Variants in POSTN observed in about 807,000 individuals in gnomAD.
POSTN encodes periostin.
Under a neutral mutation model 104.5 loss-of-function variants are expected in POSTN, and 71 were observed. The observed-to-expected ratio is 0.68, with a 90% CI of 0.56 to 0.83. POSTN has a LOEUF of 0.83. Among genes scored for constraint, POSTN ranks in the 40% least tolerant of loss-of-function variants. The pLI, the probability that POSTN is intolerant of heterozygous loss-of-function variation, is 0.00. For missense variants in POSTN, 949 were observed against 1,006.8 expected (o/e 0.94, Z 0.78); for synonymous variants, 355 against 340.7 (o/e 1.04, Z -0.46).
At chr13:37,581,643 G>C (rs1407961788) in intron 10 of POSTN, among the ~76,000 whole-genome samples, 1 of 151,992 alleles carries the variant, frequency 6.6e-6, no homozygotes, top group Non-Finnish European at 1.5e-5. Flanking sequence ...GGGTCCCCTG[G>C]AGCCAAGGAG....
Position 37,587,942 on chromosome 13 carries a change from C to G in POSTN, c.486G>C (p.Leu162=), listed in dbSNP as rs768761621. ...TAATCATGTGACTATGTAAAGCATT[C>G]AGTAATTCAACATTCACGTTGCTCT... is the stretch of plus-strand genomic sequence containing the variant. The part of the protein sequence containing the change: ...GLESNVNVEL[L]NALHSHMINK... The change falls in exon 5 of 23, where the codon CTG becomes CTC. Residue 162 remains leucine, a synonymous_variant. Transcript: ENST00000379747. 2 of 1,604,166 alleles carry G rather than the reference C, an allele frequency of 1.2e-6. No individual in the cohort carries two copies. Among genetic ancestry groups the G allele is most frequent in the Non-Finnish European group, 1.7e-6 (2 of 1,172,200 alleles).
chr13:37,577,810 T>C lies in POSTN; in HGVS notation c.1963-12A>G. 6.2e-7 allele frequency: 1 copy of C among 1,613,426 alleles called. No individual in the cohort carries two copies. Among genetic ancestry groups the C allele is most frequent in the Non-Finnish European group, 8.5e-7 (1 of 1,179,608 alleles). On this transcript the variant is annotated splice_polypyrimidine_tract_variant and intron_variant, in intron 15 of 22. Coordinates refer to ENST00000379747, the MANE Select transcript of POSTN (RefSeq NM_006475.3). ...CTACCACGAACAAACTGAAAATAAA[T>C]GTTTATATTTAGTAACATGAAAGGT...
Position 37,563,087 on chromosome 13 carries a change from C to T in POSTN, c.*246G>A, listed in dbSNP as rs375075798. Reference sequence around the variant, plus strand: ...CAAAGTTAGCCAGAACTTTTAATGTCAAGATGAAAAAGGGTGTAAGGTGTT... The same window carrying T: ...CAAAGTTAGCCAGAACTTTTAATGTTAAGATGAAAAAGGGTGTAAGGTGTT... On this transcript the variant is annotated 3_prime_UTR_variant, in exon 23 of 23. Coordinates refer to ENST00000379747, the MANE Select transcript of POSTN (RefSeq NM_006475.3). The T allele has an allele frequency of 1.6e-4, 47 of 299,248 alleles. No individual in the cohort carries two copies. The South Asian group carries it at 5.2e-3, about 33-fold the overall frequency. 18.5% of individuals were successfully genotyped at this position (299,248 alleles called of 1,614,324 possible).
rs145905060 is a variant in POSTN at position 37,598,683 on chromosome 13, A to G, written c.44T>C (p.Ile15Thr). The part of the protein sequence containing the change: ...LPMFSLLLLL[I>T]VNPINANNHY... ...ATTGTTGGCGTTTATAGGGTTAACA[A>G]TAAGCAGCAATAGTAGAGAAAACAT... The change falls in exon 1 of 23, where the codon ATT (isoleucine) becomes ACT (threonine). Residue 15 changes from isoleucine (I) to threonine (T), a missense_variant. Coordinates refer to ENST00000379747, the MANE Select transcript of POSTN (RefSeq NM_006475.3). 6.3e-4 allele frequency: 1,009 copies of G among 1,613,380 alleles called. 1 individual carries two copies. The highest frequency in any genetic ancestry group is 7.8e-4 in the Non-Finnish European group (923 of 1,179,504).
At chr13:37,577,421 C>T (rs1376038216) in intron 16 of POSTN, among the ~76,000 whole-genome samples, 1 of 152,182 alleles carries the variant, frequency 6.6e-6, no homozygotes, top group Non-Finnish European at 1.5e-5. Context: ...TGTGTCCACA[C>T]ATCTGAATTT....
chr13:37,580,008 T>A lies in POSTN; in HGVS notation c.1530-17A>T. The A allele has an allele frequency of 6.2e-7, 1 of 1,608,280 alleles. No homozygotes were observed. The highest frequency in any genetic ancestry group is 8.5e-7 in the Non-Finnish European group (1 of 1,176,314). On this transcript the variant is annotated splice_polypyrimidine_tract_variant and intron_variant, in intron 11 of 22. Coordinates refer to ENST00000379747, the MANE Select transcript of POSTN (RefSeq NM_006475.3). ...AGGAAGGTGCTAAGTGGGAAGAATG[T>A]ATATGTATTTTGTCAGATTTAGATT...
At chr13:37,577,546 T>A (rs566188909) in intron 16 of POSTN, among the ~76,000 whole-genome samples, 7 of 152,330 alleles carry the variant, frequency 4.6e-5, no homozygotes, top group African/African-American at 1.7e-4. Flanking sequence ...GTCATATCAT[T>A]TCTGTTTTTC....
chr13:37,567,093 G>A (rs1387733483), intron 21 of POSTN, among the ~76,000 whole-genome samples: 2 of 146,636 alleles, frequency 1.4e-5, no homozygotes, highest in African/African-American at 2.6e-5. Flanking sequence ...AACATTAGCC[G>A]GGCGTAGTGG....
chr13:37,587,901 G>T lies in POSTN; in HGVS notation c.527C>A (p.Thr176Asn). 2 of 1,600,154 alleles carry T rather than the reference G, an allele frequency of 1.2e-6. No homozygotes were observed. The highest frequency in any genetic ancestry group is 1.7e-6 in the Non-Finnish European group (2 of 1,168,154). The stretch of plus-strand genomic sequence containing the variant: ...AATCATGCCATTTTTTAAGTCCTTG[G>T]TCAACATTCTCTTATTAATCATGTG... Reference protein sequence around the residue: ...HSHMINKRMLTKDLKNGMIIP... With the variant: ...HSHMINKRMLNKDLKNGMIIP... The change falls in exon 5 of 23, where the codon ACC becomes AAC. Residue 176 changes from threonine (T) to asparagine (N), a missense_variant. Physicochemically the swap from Thr to Asn is moderately conservative, Grantham distance 65. Transcript: ENST00000379747.
chr13:37,591,260 A>G (rs1950922816), intron 3 of POSTN, among the ~76,000 whole-genome samples: 1 of 152,180 alleles, frequency 6.6e-6, no homozygotes, highest in African/African-American at 2.4e-5. Context: ...ATTGAGAAAA[A>G]CAAATCCTAG....
chr13:37,577,832 AGG>A (rs1353387709), intron 15 of POSTN, 34 bp from the exon 16 acceptor site: 9 of 1,612,132 alleles, frequency 5.6e-6, no homozygotes, highest in Non-Finnish European at 7.6e-6. Context: ...GTAACATGAA[AGG>A]TGATAGTTGT....
intron 4 of POSTN, among the ~76,000 whole-genome samples, chr13:37,588,411 T>C (rs554876111): frequency 1.2e-4 from 18 of 152,290 alleles, no homozygotes; most frequent in Non-Finnish European, 2.2e-4. Flanking sequence ...ATTCAAGAAT[T>C]CAACTGTCCT....
intron 17 of POSTN, among the ~76,000 whole-genome samples, chr13:37,574,236 TAA>T (rs1459037322): frequency 6.6e-6 from 1 of 151,454 alleles, no homozygotes; most frequent in African/African-American, 2.4e-5. Context: ...CAAAGCAACA[TAA>T]AGAGTATACA....
chr13:37,598,315 A>G (rs984578469), intron 1 of POSTN, among the ~76,000 whole-genome samples: 4 of 152,156 alleles, frequency 2.6e-5, no homozygotes, highest in Non-Finnish European at 5.9e-5. Flanking sequence ...AAAAACATAA[A>G]TAAATGGAAT....
intron 9 of POSTN, among the ~76,000 whole-genome samples, 195 bp from the exon 10 acceptor site, chr13:37,582,709 A>T (rs970361020): frequency 2.6e-5 from 4 of 152,224 alleles, no homozygotes; most frequent in Non-Finnish European, 5.9e-5. Flanking sequence ...TCTGTGACCT[A>T]TTGTATTAAA....
chr13:37,583,443 G>GTTTTTTTT (rs5802885), intron 9 of POSTN, among the ~76,000 whole-genome samples: 3 of 127,298 alleles, frequency 2.4e-5, no homozygotes, highest in Non-Finnish European at 3.3e-5. Context: ...TTTAAGTTTC[G>GTTTTTTTT]TTTTTTTTTT....
intron 21 of POSTN, 48 bp downstream of exon 21, chr13:37,569,252 C>T: frequency 2.2e-6 from 3 of 1,364,574 alleles, no homozygotes; most frequent in Non-Finnish European, 2.0e-6. Context: ...AAGTTGAACT[C>T]AGTCACTAGA....
At chr13:37,579,197 A>C in intron 13 of POSTN, 32 bp downstream of exon 13, 1 of 1,607,208 alleles carries the variant, frequency 6.2e-7, no homozygotes, top group Non-Finnish European at 8.5e-7. Context: ...TGATGGATGA[A>C]CACTATCATA....
chr13:37,571,102 A>C (rs1593315958), intron 18 of POSTN: 1 of 361,714 alleles, frequency 2.8e-6, no homozygotes, highest in East Asian at 4.8e-5. Flanking sequence ...TTTATTCCAC[A>C]ATCCTCACTT....
Sources: gnomAD v4.1 joint callset for allele counts (sites outside exome capture counted in the v4.1 genomes callset) on GRCh38, gnomAD v4.1.1 for gene constraint, MANE v1.5 for transcripts, NCBI Gene and HGNC (gene_info 2026-07-23, HGNC 2026-07-21) for gene names.